The following ZNF208 variants were observed in gnomAD, a reference collection of about 807,000 sequenced individuals.
The protein encoded by ZNF208 is zinc finger protein 208, also known as zinc finger protein 95.
In ZNF208, 10 loss-of-function variants were observed where a neutral mutation model predicts 12.1. The ratio of observed to expected loss-of-function variants is 0.83; its 90% CI spans 0.51 to 1.40. ZNF208 has a LOEUF of 1.40. Among genes scored for constraint, ZNF208 ranks in the 40% most tolerant of loss-of-function variants. ZNF208 has a pLI of 0.00. For synonymous variants in ZNF208, 497 were observed against 488.4 expected (o/e 1.02, Z -0.23); for missense variants, 1,652 against 1,485.0 (o/e 1.11, Z -1.85).
chr19:21,958,334 A>G (rs1379035878), intron 4 of ZNF208, among the ~76,000 whole-genome samples: 1 of 152,148 alleles, frequency 6.6e-6, no homozygotes, highest in Non-Finnish European at 1.5e-5. Flanking sequence ...GCAGCTCATC[A>G]AAAAAAGATA....
chr19:21,973,873 A>T lies in ZNF208; in HGVS notation c.1161T>A (p.His387Gln). The change falls in exon 4 of 4, where the codon CAT becomes CAA. Residue 387 changes from histidine to glutamine, a missense_variant. Around this residue, in one of 3 missense-constraint regions of ZNF208, gnomAD observed 1,239 missense variants for 1,086.2 expected, o/e 1.14. Coordinates refer to ENST00000397126, the MANE Select transcript of ZNF208 (RefSeq NM_007153.3). ...GTTTCTCTCCAGTATGAATTTTCTT[A>T]TGATAACTAAGGGTTGAGGGCCACT... Reference protein sequence around the residue: ...AYKWPSTLSYHKKIHTGEKPY... With the variant: ...AYKWPSTLSYQKKIHTGEKPY... The T allele has an allele frequency of 6.2e-7, 1 of 1,613,420 alleles. No homozygotes were observed. The highest frequency in any genetic ancestry group is 8.5e-7 in the Non-Finnish European group (1 of 1,179,844).
chr19:22,002,040 C>T (rs1468233067), intron 1 of ZNF208, among the ~76,000 whole-genome samples: 2 of 151,824 alleles, frequency 1.3e-5, no homozygotes, highest in Admixed American at 1.3e-4. Context: ...AAGGTTTGCT[C>T]AACATACAGA....
intron 3 of ZNF208, among the ~76,000 whole-genome samples, chr19:21,982,357 C>CAAAAAAA (rs34234040): frequency 9.3e-6 from 1 of 107,422 alleles, no homozygotes. Flanking sequence ...GACTCCATCT[C>CAAAAAAA]AAAAAAAAAA....
Position 21,971,167 on chromosome 19 carries a change from G to C in ZNF208, c.*24C>G, listed in dbSNP as rs756605720. ...AACTAAGGGTTGAGGGCCACTTATA[G>C]GCTTTGCCACATTCTTCACATTTCT... On this transcript the variant is annotated 3_prime_UTR_variant, in exon 4 of 4. Transcript: ENST00000397126. The C allele has an allele frequency of 5.0e-6, 8 of 1,611,620 alleles. No homozygotes were observed. The highest frequency in any genetic ancestry group is 6.8e-6 in the Non-Finnish European group (8 of 1,179,346).
At chr19:21,965,285 T>C (rs544897826), downstream of ZNF208, among the ~76,000 whole-genome samples, 34 of 152,178 alleles carry the variant, frequency 2.2e-4, no homozygotes, top group Admixed American at 2.0e-4. Context: ...TGAAATACTG[T>C]CATTTCTAGA....
In ZNF208 at chr19:21,959,649, G is replaced by GA. The variant is rs561154678; in HGVS notation, c.305+15079dup. On this transcript the variant is annotated intron_variant, in intron 4 of 4. Coordinates refer to the ZNF208 transcript ENST00000599916. ...CGGATTAAGCAGACAGCTATACATG[G>GA]AAAAATATTTGTCAATTGTTTGAAG... is the stretch of plus-strand genomic sequence containing the variant. Among the ~76,000 whole-genome samples, 528 of 152,238 alleles carry GA rather than the reference G, an allele frequency of 3.5e-3. 3 individuals are homozygous for GA. The highest frequency in any genetic ancestry group is 0.028 in the South Asian group (137 of 4,824).
chr19:22,006,385 G>A (rs139022412), intron 1 of ZNF208, among the ~76,000 whole-genome samples: 113 of 151,264 alleles, frequency 7.5e-4, no homozygotes, highest in Non-Finnish European at 1.4e-3. Context: ...TTTAATGTAC[G>A]TCTAACTGGT....
chr19:21,992,807 T>C (rs1970764606), intron 1 of ZNF208, among the ~76,000 whole-genome samples: 1 of 152,322 alleles, frequency 6.6e-6, no homozygotes, highest in East Asian at 1.9e-4. Context: ...TTTTTTCAAA[T>C]AGTTAAGACA....
At chr19:22,002,950 A>C (rs911860084) in intron 1 of ZNF208, among the ~76,000 whole-genome samples, 5 of 152,208 alleles carry the variant, frequency 3.3e-5, no homozygotes, top group Non-Finnish European at 5.9e-5. Flanking sequence ...TTCAAACTAC[A>C]CAACAGTGCT....
Position 21,970,437 on chromosome 19 carries a change from T to C in ZNF208, c.*754A>G, listed in dbSNP as rs1269003126. Among the ~76,000 whole-genome samples, 1 of 152,206 alleles carries C rather than the reference T, an allele frequency of 6.6e-6. No homozygotes were observed. Among genetic ancestry groups the C allele is most frequent in the East Asian group, 1.9e-4 (1 of 5,196 alleles). On this transcript the variant is annotated 3_prime_UTR_variant, in exon 4 of 4. Coordinates refer to ENST00000397126, the MANE Select transcript of ZNF208 (RefSeq NM_007153.3). Reference sequence around the variant, plus strand: ...AGGCTTGCCACATTCTTCAGATTTGTAGGGTTTCCCTCCTGTACAAATTCC... The same window carrying C: ...AGGCTTGCCACATTCTTCAGATTTGCAGGGTTTCCCTCCTGTACAAATTCC...
chr19:22,006,810 T>A (rs1367592858), intron 1 of ZNF208, among the ~76,000 whole-genome samples: 2 of 152,226 alleles, frequency 1.3e-5, no homozygotes, highest in South Asian at 4.1e-4. Flanking sequence ...AGTGTTCATA[T>A]AAGAAAATTT....
At chr19:21,987,866 G>C (rs1273781762) in intron 2 of ZNF208, among the ~76,000 whole-genome samples, 1 of 151,970 alleles carries the variant, frequency 6.6e-6, no homozygotes, top group Non-Finnish European at 1.5e-5. Context: ...TAAATACTGT[G>C]GAGACCAGAA....
rs562451304 is a variant in ZNF208 at position 21,967,376 on chromosome 19, C to G, written c.*3815G>C. The G allele has an allele frequency of 1.3e-5, 2 of 152,040 alleles. No individual in the cohort carries two copies. Among genetic ancestry groups the G allele is most frequent in the African/African-American group, 4.8e-5 (2 of 41,412 alleles). The allele number at this position is 152,040 out of a possible 1,614,324, so 9.4% of individuals were successfully genotyped here. On this transcript the variant is annotated 3_prime_UTR_variant, in exon 4 of 4. Coordinates refer to ENST00000397126, the MANE Select transcript of ZNF208 (RefSeq NM_007153.3). ...TTGCAAAGTATAGCTTAATTCAGTA[C>G]TCTCTCTTCCATTTCATTGGTCTAG...
At chr19:21,959,197 G>C (rs1970024195) in intron 4 of ZNF208, among the ~76,000 whole-genome samples, 1 of 152,076 alleles carries the variant, frequency 6.6e-6, no homozygotes, top group Non-Finnish European at 1.5e-5. Flanking sequence ...AATTTATAAA[G>C]TAAAAAATGA....
intron 3 of ZNF208, among the ~76,000 whole-genome samples, chr19:21,982,677 T>C (rs1400854865): frequency 1.3e-5 from 2 of 152,000 alleles, no homozygotes; most frequent in Non-Finnish European, 2.9e-5. Flanking sequence ...TATAGACCAA[T>C]GGAACAGAAC....
intron 1 of ZNF208, among the ~76,000 whole-genome samples, chr19:21,990,057 T>G (rs1335906837): frequency 2.6e-5 from 4 of 152,150 alleles, no homozygotes; most frequent in African/African-American, 7.2e-5. Flanking sequence ...GATGGTAGTT[T>G]CTTTTGCTGT....
intron 3 of ZNF208, among the ~76,000 whole-genome samples, chr19:21,976,443 A>C (rs899180269): frequency 1.3e-5 from 2 of 151,612 alleles, no homozygotes; most frequent in Non-Finnish European, 1.5e-5. Context: ...AGAGAAAATG[A>C]GAGACAAGAT....
rs1273066253 is a variant in ZNF208 at position 21,971,261 on chromosome 19, C to T, written c.3773G>A (p.Cys1258Tyr). 4 of 1,612,332 alleles carry T rather than the reference C, an allele frequency of 2.5e-6. No homozygotes were observed. The highest frequency in any genetic ancestry group is 3.4e-6 in the Non-Finnish European group (4 of 1,179,938). The change falls in exon 4 of 4, where the codon TGT (cysteine) becomes TAT (tyrosine). Residue 1258 changes from cysteine (C) to tyrosine (Y), a missense_variant. By Grantham distance (194) the Cys-to-Tyr change is radical (BLOSUM62 -2). Transcript: ENST00000397126. ...TGATAACCAGCTGAAGGCTTTGCCACATTCTTCACATTTGTAGGGTTTCTC... is the reference window on the plus strand; with the variant it reads ...TGATAACCAGCTGAAGGCTTTGCCATATTCTTCACATTTGTAGGGTTTCTC... ...TGEKPYKCEECGKAFSWLSVF... is the reference protein window; with the variant it reads ...TGEKPYKCEEYGKAFSWLSVF...
At chr19:21,976,299 T>C (rs1970429772) in intron 3 of ZNF208, among the ~76,000 whole-genome samples, 1 of 152,144 alleles carries the variant, frequency 6.6e-6, no homozygotes, top group African/African-American at 2.4e-5. Flanking sequence ...TTAAAATATA[T>C]TGTTGTATTT....
Sources: allele counts gnomAD v4.1 joint callset (sites outside exome capture counted in the v4.1 genomes callset), GRCh38; gene constraint gnomAD v4.1.1; regional missense constraint gnomAD v4.1.1; transcripts MANE v1.5; gene names NCBI Gene and HGNC (gene_info 2026-07-23, HGNC 2026-07-21).